UTP14A: variants seen among roughly 807,000 people sequenced by gnomAD.
UTP14A encodes U3 small nucleolar RNA-associated protein 14 homolog A.
A neutral mutation model predicts 57.2 loss-of-function variants in UTP14A; 5 were observed. That is an observed-to-expected ratio of 0.09 (90% CI 0.05 to 0.18). The LOEUF is 0.18. Ranked by LOEUF, UTP14A falls within the 10% of genes least tolerant of loss-of-function variation. The pLI, the probability that UTP14A is intolerant of heterozygous loss-of-function variation, is 1.00. For synonymous variants in UTP14A, 169 were observed against 210.9 expected (o/e 0.80, Z 1.72); for missense variants, 430 against 562.1 (o/e 0.76, Z 2.38).
In UTP14A at chrX:129,919,129, G is replaced by A. The variant is rs1569338664; in HGVS notation, c.538-46G>A. 6 of 1,208,567 alleles carry A rather than the reference G, an allele frequency of 5.0e-6. No individual in the cohort carries two copies. The African/African-American group carries it at 8.7e-5, about 18-fold the overall frequency. On this transcript the variant is annotated intron_variant, in intron 6 of 14. Transcript: ENST00000394422. ...CATAGGAATGTAAAGAGAGAAAGCT[G>A]TAAGAGCATGGCTTAAGACTCAGAA... is the stretch of plus-strand genomic sequence containing the variant.
chrX:129,913,479 T>TCATTTTTAC (rs1486068992), intron 6 of UTP14A: 15 of 326,614 alleles, frequency 4.6e-5, no homozygotes, highest in Non-Finnish European at 9.2e-5. Context: ...CCCCATCTGA[T>TCATTTTTAC]CATTTTTACC....
In UTP14A at chrX:129,919,303, G is replaced by A. The variant is rs191066650; in HGVS notation, c.657+9G>A. On this transcript the variant is annotated intron_variant, in intron 7 of 14. Transcript: ENST00000394422. ...CCATGAGCCTAGAAGAGGTAAGTGT[G>A]TCATAGGCCCTTCAGCACACCCAGG... is the stretch of plus-strand genomic sequence containing the variant. 23 of 1,209,767 alleles carry A rather than the reference G, an allele frequency of 1.9e-5. No homozygotes were observed. Among genetic ancestry groups the A allele is most frequent in the Non-Finnish European group, 2.6e-5 (23 of 895,197 alleles).
chrX:129,926,558 TCAAA>T (rs1270522567), intron 14 of UTP14A, among the ~76,000 whole-genome samples: 3 of 112,106 alleles, frequency 2.7e-5, no homozygotes, highest in African/African-American at 6.5e-5. Context: ...AAGGTAATGC[TCAAA>T]CAGAGGCTAT....
intron 11 of UTP14A, 124 bp from the exon 12 acceptor site, chrX:129,924,671 C>A: frequency 2.3e-6 from 2 of 857,675 alleles, no homozygotes; most frequent in Non-Finnish European, 3.3e-6. Context: ...CTTCTTTTCC[C>A]CGTTTGTCCT....
At position 129,929,656 on chromosome X, in the gene UTP14A, T is replaced by G; in HGVS notation, c.*48T>G. On this transcript the variant is annotated 3_prime_UTR_variant, in exon 15 of 15. Coordinates refer to ENST00000394422, the MANE Select transcript of UTP14A (RefSeq NM_006649.4). ...GGAGCCCTGACTTCACTTCCTTTGG[T>G]CCAGTTTTACTCTGATACAGGGTGG... is the stretch of plus-strand genomic sequence containing the variant. The G allele has an allele frequency of 8.4e-7, 1 of 1,185,410 alleles. No homozygotes were observed.
chrX:129,920,403 T>G, intron 8 of UTP14A, 54 bp from the exon 9 acceptor site: 1 of 1,208,936 alleles, frequency 8.3e-7, no homozygotes, highest in Non-Finnish European at 1.1e-6. Flanking sequence ...CACTTGTGCC[T>G]ATGACATCCG....
chrX:129,929,685 C>A lies in UTP14A; in HGVS notation c.*77C>A. ...GTTTTACTCTGATACAGGGTGGATT[C>A]CAAAACTGGCTCAGTACATTGCATG... is the stretch of plus-strand genomic sequence containing the variant. On this transcript the variant is annotated 3_prime_UTR_variant, in exon 15 of 15. Coordinates refer to ENST00000394422, the MANE Select transcript of UTP14A (RefSeq NM_006649.4). The A allele has an allele frequency of 9.0e-7, 1 of 1,113,852 alleles. No individual in the cohort carries two copies. The highest frequency in any genetic ancestry group is 2.1e-5 in the South Asian group (1 of 48,343). The allele number at this position is 1,113,852 out of a possible 1,213,427, so 91.8% of individuals were successfully genotyped here.
rs200507231 is a variant in UTP14A at position 129,924,994 on chromosome X, G to T, written c.1548G>T (p.Glu516Asp). The change falls in exon 12 of 15, where the codon GAG becomes GAT. Residue 516 changes from glutamate (E) to aspartate (D), a missense_variant. Around this residue, in one of 4 missense-constraint regions of UTP14A, gnomAD observed 120 missense variants for 116.8 expected, o/e 1.03. Coordinates refer to ENST00000394422, the MANE Select transcript of UTP14A (RefSeq NM_006649.4). Reference sequence around the variant, plus strand: ...TACAGACGCTGGAAGAGCTAGAAGAGCTGGGAAAAGAAGAATGTTTTCAAA... The same window carrying T: ...TACAGACGCTGGAAGAGCTAGAAGATCTGGGAAAAGAAGAATGTTTTCAAA... Reference protein sequence around the residue: ...ERVQTLEELEELGKEECFQNK... With the variant: ...ERVQTLEELEDLGKEECFQNK... The T allele has an allele frequency of 4.1e-6, 5 of 1,211,388 alleles. No homozygotes were observed. Among genetic ancestry groups the T allele is most frequent in the Non-Finnish European group, 5.6e-6 (5 of 895,517 alleles).
At chrX:129,916,291 T>TCC (rs1412999858) in intron 6 of UTP14A, among the ~76,000 whole-genome samples, 1 of 111,143 alleles carries the variant, frequency 9.0e-6, no homozygotes, top group Admixed American at 9.6e-5. Context: ...AGCTCCAGTC[T>TCC]CATATTCCAT....
rs745781221 is a variant in UTP14A at position 129,929,571 on chromosome X, G to A, written c.2279G>A (p.Arg760His). ...IQRNPKRITT[R>H]HKKQLKKCSV... ...AGGAATCCAAAACGAATCACCACAC[G>A]TCACAAAAAACAGCTGAAGAAATGC... The change falls in exon 15 of 15, where the codon CGT (arginine) becomes CAT (histidine). Residue 760 changes from arginine to histidine, a missense_variant. Physicochemically the swap from Arg to His is conservative, Grantham distance 29 (BLOSUM62 0). Around this residue, in one of 4 missense-constraint regions of UTP14A, gnomAD observed 82 missense variants for 151.4 expected, o/e 0.54. Transcript: ENST00000394422. 3.3e-6 allele frequency: 4 copies of A among 1,211,208 alleles called. No homozygotes were observed. The highest frequency in any genetic ancestry group is 4.4e-5 in the Admixed American group (2 of 45,970).
At chrX:129,907,639 A>G (rs1048063873) in intron 2 of UTP14A, among the ~76,000 whole-genome samples, 197 bp downstream of exon 2, 3 of 112,433 alleles carry the variant, frequency 2.7e-5, no homozygotes, top group African/African-American at 6.5e-5. Flanking sequence ...ACTACCCTCA[A>G]GTTGCATAAG....
chrX:129,912,476 TTG>T (rs1358257098), intron 6 of UTP14A, among the ~76,000 whole-genome samples: 1 of 110,073 alleles, frequency 9.1e-6, no homozygotes. Context: ...TTCCATGTTT[TTG>T]TGTTAAACCA....
In UTP14A at chrX:129,924,815, C is replaced by G. The variant is rs1302350608; in HGVS notation, c.1369C>G (p.Leu457Val). The change falls in exon 12 of 15, where the codon CTG (leucine) becomes GTG (valine). Residue 457 changes from leucine to valine, a missense_variant. By Grantham distance (32) the Leu-to-Val change is conservative (BLOSUM62 1). Around this residue, in one of 4 missense-constraint regions of UTP14A, gnomAD observed 120 missense variants for 116.8 expected, o/e 1.03. Transcript: ENST00000394422. ...CCCAGATTCTGGCAGCCAGGAGGTG[C>G]TGTCTGAATTGAGAGTACTATCTCA... is the stretch of plus-strand genomic sequence containing the variant. ...ETKDSGSQEV[L>V]SELRVLSQKL... 8.3e-7 allele frequency: 1 copy of G among 1,199,695 alleles called. No homozygotes were observed. Among genetic ancestry groups the G allele is most frequent in the Non-Finnish European group, 1.1e-6 (1 of 892,331 alleles).
intron 6 of UTP14A, among the ~76,000 whole-genome samples, chrX:129,918,941 T>G (rs1929802313): frequency 9.0e-6 from 1 of 111,148 alleles, no homozygotes; most frequent in Non-Finnish European, 1.9e-5. Context: ...CTCAGCAGTA[T>G]TAGAGAGTAG....
chrX:129,917,574 C>T (rs1001755191), intron 6 of UTP14A, among the ~76,000 whole-genome samples: 2 of 112,016 alleles, frequency 1.8e-5, no homozygotes, highest in Non-Finnish European at 3.8e-5. Context: ...TTCATACATA[C>T]TCTGCCTAGC....
chrX:129,920,654 C>T, intron 9 of UTP14A, 21 bp from the exon 10 acceptor site: 5 of 1,068,273 alleles, frequency 4.7e-6, no homozygotes, highest in Non-Finnish European at 6.3e-6. Context: ...ATGTAAATCT[C>T]ACTCTGTCCT....
Position 129,929,441 on chromosome X carries a change from A to G in UTP14A, c.2149A>G (p.Thr717Ala). ...WNTQRAFQKL[T>A]TPKVVTKPGH... ...CACCCAGAGGGCTTTCCAAAAGCTG[A>G]CTACTCCCAAGGTCGTCACCAAGCC... The change falls in exon 15 of 15, where the codon ACT (threonine) becomes GCT (alanine). Residue 717 changes from threonine to alanine, a missense_variant. Physicochemically the swap from Thr to Ala is moderately conservative, Grantham distance 58. Around this residue, in one of 4 missense-constraint regions of UTP14A, gnomAD observed 82 missense variants for 151.4 expected, o/e 0.54. Coordinates refer to ENST00000394422, the MANE Select transcript of UTP14A (RefSeq NM_006649.4). 1 of 1,211,852 alleles carries G rather than the reference A, an allele frequency of 8.3e-7. No homozygotes were observed. Among genetic ancestry groups the G allele is most frequent in the African/African-American group, 1.7e-5 (1 of 57,781 alleles).
At chrX:129,909,174 T>C (rs192134982) in intron 4 of UTP14A, among the ~76,000 whole-genome samples, 87 of 110,554 alleles carry the variant, frequency 7.9e-4, no homozygotes, top group African/African-American at 2.7e-3. Context: ...CCTTTGCTTT[T>C]TTATTGCTCC....
Position 129,929,355 on chromosome X carries a change from C to A in UTP14A, c.2063C>A (p.Pro688Gln). 8.3e-7 allele frequency: 1 copy of A among 1,210,990 alleles called. No individual in the cohort carries two copies. Among genetic ancestry groups the A allele is most frequent in the Non-Finnish European group, 1.1e-6 (1 of 895,029 alleles). The change falls in exon 15 of 15, where the codon CCA (proline) becomes CAA (glutamine). Residue 688 changes from proline to glutamine, a missense_variant. This residue lies in a region of UTP14A where 82 missense variants were observed against 151.4 expected (regional missense o/e 0.54). Transcript: ENST00000394422. Reference protein sequence around the residue: ...AAHQVRVLPYPFTHHWQFERT... With the variant: ...AAHQVRVLPYQFTHHWQFERT... Reference sequence around the variant, plus strand: ...TTCCAGGTACGAGTGCTTCCATATCCATTTACCCACCATTGGCAATTTGAA... The same window carrying A: ...TTCCAGGTACGAGTGCTTCCATATCAATTTACCCACCATTGGCAATTTGAA...
Sources: gnomAD v4.1 joint callset for allele counts (sites outside exome capture counted in the v4.1 genomes callset) on GRCh38, gnomAD v4.1.1 for gene constraint, gnomAD v4.1.1 regional missense constraint, MANE v1.5 for transcripts, NCBI Gene and HGNC (gene_info 2026-07-23, HGNC 2026-07-21) for gene names.